LY96: variants seen among roughly 807,000 people sequenced by gnomAD.
LY96 encodes the protein myeloid differentiation protein-2.
In LY96, 18 loss-of-function variants were observed where a neutral mutation model predicts 18.9. The observed-to-expected ratio is 0.95, with a 90% CI of 0.66 to 1.41. LY96 has a LOEUF of 1.41. Ranked by LOEUF, LY96 falls within the 40% of genes most tolerant of loss-of-function variation. The pLI is 0.00. For missense variants in LY96, 175 were observed against 182.4 expected (o/e 0.96, Z 0.23); for synonymous variants, 66 against 62.6 (o/e 1.06, Z -0.26).
intron 3 of LY96, among the ~76,000 whole-genome samples, chr8:74,021,551 C>T (rs1816760099): frequency 6.6e-6 from 1 of 152,174 alleles, no homozygotes; most frequent in African/African-American, 2.4e-5. Context: ...TACCATTTGA[C>T]CCAGCCATCC....
chr8:74,035,020 G>A, the LY96 span, among the ~76,000 whole-genome samples: 2 of 152,068 alleles, frequency 1.3e-5, no homozygotes, highest in Admixed American at 1.3e-4. Context: ...AGCCTCCTGG[G>A]TACAAAACTC....
At chr8:74,010,851 C>A (rs1398032676) in intron 3 of LY96, among the ~76,000 whole-genome samples, 1 of 151,500 alleles carries the variant, frequency 6.6e-6, no homozygotes, top group Non-Finnish European at 1.5e-5. Flanking sequence ...TAAGACATGA[C>A]TCTCCTACTG....
intron 2 of LY96, among the ~76,000 whole-genome samples, chr8:74,007,903 G>A (rs1324424728): frequency 6.6e-6 from 1 of 152,204 alleles, no homozygotes; most frequent in Non-Finnish European, 1.5e-5. Flanking sequence ...GGGATTACAG[G>A]CGCCTGCCAC....
chr8:74,000,093 T>C (rs750932211), intron 1 of LY96, among the ~76,000 whole-genome samples: 15 of 152,190 alleles, frequency 9.9e-5, no homozygotes, highest in Non-Finnish European at 1.8e-4. Context: ...GTCCTCAAAG[T>C]CCTAGCCTAT....
At chr8:74,031,567 G>T (rs986266921), downstream of LY96, among the ~76,000 whole-genome samples, 2 of 151,634 alleles carry the variant, frequency 1.3e-5, no homozygotes. Context: ...AGGAGGCGGA[G>T]GTTGCGGTGA....
the LY96 span, among the ~76,000 whole-genome samples, chr8:74,053,437 C>G: frequency 6.6e-6 from 1 of 152,190 alleles, no homozygotes; most frequent in South Asian, 2.1e-4. Context: ...CCCCTACTCC[C>G]TGTAGAATAA....
the LY96 span, among the ~76,000 whole-genome samples, chr8:74,074,854 A>C: frequency 6.6e-6 from 1 of 152,112 alleles, no homozygotes; most frequent in African/African-American, 2.4e-5. Context: ...AAGACACTGG[A>C]TATTATTTCA....
chr8:74,070,678 C>T, the LY96 span, among the ~76,000 whole-genome samples: 1 of 152,072 alleles, frequency 6.6e-6, no homozygotes, highest in Non-Finnish European at 1.5e-5. Context: ...ACCCCAGATT[C>T]ACCTCGTGTT....
chr8:74,096,845 A>G, the LY96 span, among the ~76,000 whole-genome samples: 1 of 152,132 alleles, frequency 6.6e-6, no homozygotes, highest in Non-Finnish European at 1.5e-5. Context: ...TTCTCTCTCA[A>G]GCCTTTGATC....
chr8:74,068,022 TTGCACTCCA>T, the LY96 span, among the ~76,000 whole-genome samples: 1 of 129,142 alleles, frequency 7.7e-6, no homozygotes. Context: ...GATCGTGCCA[TTGCACTCCA>T]CCCTGGGTGA....
rs186271039 is a variant in LY96, at chr8:74,021,622, G to A, written c.332-5167G>A. 4.6e-3 allele frequency among the ~76,000 whole-genome samples: 694 copies of A among 152,234 alleles called. 2 individuals are homozygous for A. Among genetic ancestry groups the A allele is most frequent in the Non-Finnish European group, 5.5e-3 (372 of 68,012 alleles). On this transcript the variant is annotated intron_variant, in intron 3 of 4. Transcript: ENST00000284818. ...TGCTACTATGAAGACACATGCACAC[G>A]TATGTTTATTGCAGCACTATTCACA...
At position 74,002,085 on chromosome 8, in the gene LY96, TTCTTTCTTTCTC is replaced by T. The variant is rs1265968101; in HGVS notation, c.113-2707_113-2696del. Among the ~76,000 whole-genome samples, 14 of 29,338 alleles carry T rather than the reference TTCTTTCTTTCTC, an allele frequency of 4.8e-4. 3 individuals are homozygous for T. Among genetic ancestry groups the T allele is most frequent in the East Asian group, 1.6e-3 (2 of 1,280 alleles). The allele number at this position is 29,338 out of a possible 152,430, so 19.2% of individuals were successfully genotyped here. On this transcript the variant is annotated intron_variant, in intron 1 of 4. Coordinates refer to ENST00000284818, the MANE Select transcript of LY96 (RefSeq NM_015364.5). Reference sequence around the variant, plus strand: ...TTCCTTCCTTCCTTCCTTTCTTTCTTTCTTTCTTTCTCTCTCTCTCTCTCTCTCTCTCTCTCT... The same window carrying T: ...TTCCTTCCTTCCTTCCTTTCTTTCTTTCTCTCTCTCTCTCTCTCTCTCTCT...
chr8:74,017,638 G>T (rs1816671641), intron 3 of LY96, among the ~76,000 whole-genome samples: 1 of 152,178 alleles, frequency 6.6e-6, no homozygotes, highest in South Asian at 2.1e-4. Flanking sequence ...AAAATGTTAA[G>T]GGCAGCCAGA....
At chr8:74,090,869 A>G in the LY96 span, among the ~76,000 whole-genome samples, 15 of 152,256 alleles carry the variant, frequency 9.9e-5, no homozygotes. Context: ...ACATTTAGAT[A>G]TTATTTAAAT....
Position 73,994,047 on chromosome 8 carries a change from C to T in LY96, c.112+2493C>T, listed in dbSNP as rs118180346. The stretch of plus-strand genomic sequence containing the variant: ...TCATCTAGGCTGGAGTGCAGTAGTA[C>T]GATCTCAGCTCACTGCAACCTCTGC... On this transcript the variant is annotated intron_variant, in intron 1 of 4. Transcript: ENST00000284818. Among the ~76,000 whole-genome samples the T allele has an allele frequency of 1.3e-4, 19 of 151,362 alleles. No homozygotes were observed. The East Asian group carries it at 2.4e-3, about 19-fold the overall frequency.
rs139208711 is a variant in LY96 at position 73,993,752 on chromosome 8, A to T, written c.112+2198A>T. On this transcript the variant is annotated intron_variant, in intron 1 of 4. Coordinates refer to ENST00000284818, the MANE Select transcript of LY96 (RefSeq NM_015364.5). Reference sequence around the variant, plus strand: ...GCCACCGCAGCTGGCCTAATTATTAATTTTTTTGTAGAGATGGAGTCTTGC... The same window carrying T: ...GCCACCGCAGCTGGCCTAATTATTATTTTTTTTGTAGAGATGGAGTCTTGC... Among the ~76,000 whole-genome samples, 728 of 151,718 alleles carry T rather than the reference A, an allele frequency of 4.8e-3. 9 individuals are homozygous for T. Among genetic ancestry groups the T allele is most frequent in the African/African-American group, 0.017 (690 of 41,352 alleles).
intron 1 of LY96, among the ~76,000 whole-genome samples, chr8:73,992,288 G>C (rs1164047106): frequency 6.6e-6 from 1 of 151,990 alleles, no homozygotes; most frequent in African/African-American, 2.4e-5. Flanking sequence ...GTTTTGGTTC[G>C]GTACTTTCCA....
chr8:74,083,999 A>T, the LY96 span, among the ~76,000 whole-genome samples: 1 of 151,494 alleles, frequency 6.6e-6, no homozygotes, highest in African/African-American at 2.4e-5. Context: ...AACTTTTCTA[A>T]TCTACAGGTT....
intron 3 of LY96, among the ~76,000 whole-genome samples, chr8:74,023,398 A>AT (rs1461454176): frequency 1.3e-5 from 2 of 152,182 alleles, no homozygotes; most frequent in African/African-American, 4.8e-5. Context: ...GTGTGGAGGT[A>AT]TTGCATGGAG....
Sources: allele counts gnomAD v4.1 joint callset (sites outside exome capture counted in the v4.1 genomes callset), GRCh38; gene constraint gnomAD v4.1.1; transcripts MANE v1.5; gene names NCBI Gene and HGNC (gene_info 2026-07-23, HGNC 2026-07-21).